BNC2: variants seen among roughly 807,000 people sequenced by gnomAD.
BNC2 encodes zinc finger protein basonuclin-2.
A neutral mutation model predicts 76.3 loss-of-function variants in BNC2; 20 were observed. The ratio of observed to expected loss-of-function variants is 0.26; its 90% CI spans 0.18 to 0.38. The LOEUF (loss-of-function observed/expected upper bound fraction) is 0.38, where lower values mean the gene tolerates loss of function less well. BNC2 is among the 10% of genes least tolerant of loss of function. The probability of loss-of-function intolerance (pLI) is 1.00; values close to 1 mark genes in which losing one functional copy is unlikely to be tolerated. For missense variants in BNC2, 1,382 were observed against 1,399.8 expected (o/e 0.99, Z 0.20); for synonymous variants, 582 against 514.8 (o/e 1.13, Z -1.77).
intron 1 of BNC2, among the ~76,000 whole-genome samples, chr9:16,770,162 A>G (rs1163612229): frequency 1.3e-5 from 2 of 152,180 alleles, no homozygotes; most frequent in Non-Finnish European, 2.9e-5. Context: ...CCTGGAAGGT[A>G]TGGGCCAAAT....
At chr9:16,700,053 C>G (rs1263014387) in intron 3 of BNC2, among the ~76,000 whole-genome samples, 1 of 152,090 alleles carries the variant, frequency 6.6e-6, no homozygotes, top group African/African-American at 2.4e-5. Flanking sequence ...CACATATATG[C>G]CTGTATGATA....
chr9:16,664,719 A>C (rs933600301), intron 3 of BNC2, among the ~76,000 whole-genome samples: 4 of 151,792 alleles, frequency 2.6e-5, no homozygotes, highest in Non-Finnish European at 4.4e-5. Flanking sequence ...AAAACAAAAA[A>C]AAACAAAAAC....
intron 5 of BNC2, among the ~76,000 whole-genome samples, chr9:16,468,852 T>C (rs190973999): frequency 1.3e-5 from 2 of 152,178 alleles, no homozygotes; most frequent in Admixed American, 1.3e-4. Context: ...CTGAGGTGCA[T>C]ACTCATATAC....
At chr9:16,443,206 C>CT (rs1045739087) in intron 5 of BNC2, among the ~76,000 whole-genome samples, 4 of 152,094 alleles carry the variant, frequency 2.6e-5, no homozygotes, top group Admixed American at 2.6e-4. Context: ...GTATTTCCCC[C>CT]TTGATATAAC....
rs1192294136 is a variant in BNC2 at position 16,606,710 on chromosome 9, A to G, written c.331-23625T>C. Among the ~76,000 whole-genome samples the G allele has an allele frequency of 2.0e-5, 3 of 152,102 alleles. No individual in the cohort carries two copies. The East Asian group carries it at 5.8e-4, about 29-fold the overall frequency. ...GTAGCTGGGATTATAGGCTCCCGCC[A>G]CCATGCCCAGCTAACTTTTGTATTT... On this transcript the variant is annotated intron_variant, in intron 3 of 6. Transcript: ENST00000380672.
At chr9:16,576,646 C>T (rs1005539790) in intron 4 of BNC2, among the ~76,000 whole-genome samples, 9 of 152,224 alleles carry the variant, frequency 5.9e-5, no homozygotes, top group Admixed American at 2.6e-4. Context: ...TAAGTCCTTA[C>T]AAACTACCAT....
chr9:16,664,704 CAAAA>C (rs60928607), intron 3 of BNC2, among the ~76,000 whole-genome samples: 2 of 147,600 alleles, frequency 1.4e-5, no homozygotes, highest in African/African-American at 5.0e-5. Context: ...AAAACAAAAA[CAAAA>C]AAAACAAAAA....
chr9:16,589,022 C>A (rs1349902476), intron 3 of BNC2, among the ~76,000 whole-genome samples: 1 of 152,138 alleles, frequency 6.6e-6, no homozygotes, highest in Non-Finnish European at 1.5e-5. Context: ...AAGCATAAAG[C>A]ACATATTCTG....
intron 3 of BNC2, chr9:16,727,588 C>T: frequency 1.8e-6 from 1 of 569,280 alleles, no homozygotes; most frequent in Non-Finnish European, 3.1e-6. Flanking sequence ...GTATCCTTTC[C>T]CCTTTTTCTT....
At chr9:16,431,705 G>A (rs908009539) in intron 6 of BNC2, among the ~76,000 whole-genome samples, 6 of 152,198 alleles carry the variant, frequency 3.9e-5, no homozygotes, top group Admixed American at 6.5e-5. Flanking sequence ...TTTGGCACCA[G>A]GGACCACTTT....
intron 5 of BNC2, among the ~76,000 whole-genome samples, chr9:16,517,356 C>T (rs1003849173): frequency 1.3e-5 from 2 of 152,126 alleles, no homozygotes; most frequent in African/African-American, 2.4e-5. Context: ...GGATATGCTA[C>T]TATATACTGA....
chr9:16,570,953 A>G (rs1819305722), intron 4 of BNC2, among the ~76,000 whole-genome samples: 1 of 152,250 alleles, frequency 6.6e-6, no homozygotes, highest in African/African-American at 2.4e-5. Context: ...TAATTTGATC[A>G]TGATAGTAAC....
chr9:16,745,101 T>C (rs1048140218), intron 1 of BNC2, among the ~76,000 whole-genome samples: 10 of 152,302 alleles, frequency 6.6e-5, no homozygotes, highest in Admixed American at 1.3e-4. Flanking sequence ...AGTTCATCTC[T>C]GAAGTGGAAA....
chr9:16,789,506 C>T (rs1461990301), intron 1 of BNC2, among the ~76,000 whole-genome samples: 2 of 152,162 alleles, frequency 1.3e-5, no homozygotes, highest in African/African-American at 4.8e-5. Flanking sequence ...ATGTCCTGTG[C>T]TTTCCATGCA....
At chr9:16,599,739 C>G (rs570512342) in intron 3 of BNC2, among the ~76,000 whole-genome samples, 11 of 152,286 alleles carry the variant, frequency 7.2e-5, no homozygotes, top group African/African-American at 2.6e-4. Context: ...ACCGAGATCA[C>G]GCCACTGCAC....
intron 1 of BNC2, among the ~76,000 whole-genome samples, chr9:16,807,967 C>A (rs1158927741): frequency 6.6e-6 from 1 of 151,948 alleles, no homozygotes; most frequent in Non-Finnish European, 1.5e-5. Context: ...GGCAGTCAGA[C>A]AAGATAATTA....
At chr9:16,429,970 C>T (rs762213727) in intron 6 of BNC2, 2 of 515,696 alleles carry the variant, frequency 3.9e-6, no homozygotes, top group Non-Finnish European at 7.7e-6. Context: ...TACAAGGAGA[C>T]CGTTTTGCTC....
intron 1 of BNC2, among the ~76,000 whole-genome samples, chr9:16,786,877 C>T (rs1826309265): frequency 6.6e-6 from 1 of 152,140 alleles, no homozygotes; most frequent in South Asian, 2.1e-4. Flanking sequence ...CAAAACTCAC[C>T]CCAAACCCAC....
intron 3 of BNC2, among the ~76,000 whole-genome samples, chr9:16,599,522 G>A (rs1050925015): frequency 4.6e-5 from 7 of 152,200 alleles, no homozygotes; most frequent in Admixed American, 1.3e-4. Context: ...AGTGGCTCAC[G>A]CCTGTAATCC....
Sources: gnomAD v4.1 joint callset for allele counts (sites outside exome capture counted in the v4.1 genomes callset) on GRCh38, gnomAD v4.1.1 for gene constraint, MANE v1.5 for transcripts, NCBI Gene and HGNC (gene_info 2026-07-23, HGNC 2026-07-21) for gene names.